Variants in RPE observed in about 807,000 individuals in gnomAD.
The protein encoded by RPE is ribulose-phosphate 3-epimerase.
In RPE, 16 loss-of-function variants were observed where a neutral mutation model predicts 24.6. The ratio of observed to expected loss-of-function variants is 0.65; its 90% CI spans 0.44 to 0.99. The LOEUF (loss-of-function observed/expected upper bound fraction) is 0.99. Ranked by LOEUF, RPE falls within the 50% of genes least tolerant of loss-of-function variation. RPE has a pLI of 0.00. For missense variants in RPE, 240 were observed against 294.5 expected, an observed-to-expected ratio of 0.81 and a Z score of 1.35; for synonymous variants, 93 against 98.4, an observed-to-expected ratio of 0.94 and a Z score of 0.33.
At position 210,021,955 on chromosome 2, in the gene RPE, A is replaced by T. The variant is rs966165651; in HGVS notation, c.*2164A>T. 1.3e-5 allele frequency: 2 copies of T among 151,594 alleles called. No homozygotes were observed. Among genetic ancestry groups the T allele is most frequent in the Non-Finnish European group, 2.9e-5 (2 of 67,852 alleles). The allele number at this position is 151,594 out of a possible 1,614,324, so 9.4% of individuals were successfully genotyped here. A position where few individuals can be genotyped will look rare whatever the true frequency, so the allele number is the denominator to read the frequency against. On this transcript the variant is annotated 3_prime_UTR_variant, in exon 6 of 6. Coordinates refer to ENST00000359429, the MANE Select transcript of RPE (RefSeq NM_199229.3). Reference sequence around the variant, plus strand: ...AATGACCAAATTAGCTAGAAATAGAAATCAGCCAGAATTAACTAATTTCTT... The same window carrying T: ...AATGACCAAATTAGCTAGAAATAGATATCAGCCAGAATTAACTAATTTCTT...
At chr2:210,014,155 G>A (rs2093737773) in intron 2 of RPE, among the ~76,000 whole-genome samples, 1 of 151,894 alleles carries the variant, frequency 6.6e-6, no homozygotes, top group African/African-American at 2.4e-5. Flanking sequence ...GCAGTGGAGC[G>A]ATCTCGGCTG....
At position 210,002,740 on chromosome 2, in the gene RPE, C is replaced by G. The variant is rs2093577070; in HGVS notation, c.79C>G (p.Leu27Val). Residue 27 changes from leucine to valine, a missense_variant, in exon 1 of 6, where the codon CTA (leucine) becomes GTA (valine). Coordinates refer to ENST00000359429, the MANE Select transcript of RPE (RefSeq NM_199229.3). ...ANLGAECLRM[L>V]DSGADYLHLD... ...TTTAGGGGCCGAGTGCCTCCGGATG[C>G]TAGACTCTGGGGCCGATTATCTGCA... 6.8e-6 allele frequency: 11 copies of G among 1,614,206 alleles called. No homozygotes were observed. Among genetic ancestry groups the G allele is most frequent in the Non-Finnish European group, 9.3e-6 (11 of 1,180,026 alleles).
rs570303990 is a variant in RPE at position 210,007,641 on chromosome 2, T to A, written c.123-2016T>A. Among the ~76,000 whole-genome samples the A allele has an allele frequency of 1.5e-4, 23 of 152,372 alleles. No individual in the cohort carries two copies. In the South Asian group the frequency reaches 4.8e-3, roughly 32 times the overall value. On this transcript the variant is annotated intron_variant, in intron 1 of 5. Coordinates refer to ENST00000359429, the MANE Select transcript of RPE (RefSeq NM_199229.3). The stretch of plus-strand genomic sequence containing the variant: ...CTGCTTTTGCTTCATTTTCAGCCTT[T>A]GTTTCTTTTCCCATCTTTATAAATC...
chr2:210,016,565 A>G lies in RPE; in HGVS notation c.401A>G (p.Gln134Arg). ...SVEYLAPWAN[Q>R]IDMALVMTVE... ...GAGTATTTGGCACCATGGGCTAATC[A>G]GATAGATATGGCCTTGGTTATGACA... The change falls in exon 4 of 6, where the codon CAG (glutamine) becomes CGG (arginine). Residue 134 changes from glutamine (Q) to arginine (R), a missense_variant. Transcript: ENST00000359429. 1 of 1,614,260 alleles carries G rather than the reference A, an allele frequency of 6.2e-7. No individual in the cohort carries two copies. The highest frequency in any genetic ancestry group is 8.5e-7 in the Non-Finnish European group (1 of 1,180,052).
chr2:210,017,463 A>G lies in RPE; in HGVS notation c.478-10A>G, dbSNP rs751935847. On this transcript the variant is annotated splice_polypyrimidine_tract_variant and intron_variant, in intron 4 of 5. Transcript: ENST00000359429. Reference sequence around the variant, plus strand: ...TTAGGAGTTACTTATTTCCTCATGTATATATCTAGGTTCACTGGTTGAGGA... The same window carrying G: ...TTAGGAGTTACTTATTTCCTCATGTGTATATCTAGGTTCACTGGTTGAGGA... The G allele has an allele frequency of 1.3e-6, 2 of 1,579,274 alleles. No homozygotes were observed. Among genetic ancestry groups the G allele is most frequent in the South Asian group, 1.1e-5 (1 of 90,124 alleles).
At chr2:210,008,805 C>T (rs1461910026) in intron 1 of RPE, among the ~76,000 whole-genome samples, 1 of 152,126 alleles carries the variant, frequency 6.6e-6, no homozygotes, top group East Asian at 1.9e-4. Context: ...AAACGATTCT[C>T]CTGCCTCAGC....
At chr2:210,003,359 C>T (rs1318732509) in intron 1 of RPE, 12 of 801,670 alleles carry the variant, frequency 1.5e-5, no homozygotes, top group South Asian at 4.4e-5. Flanking sequence ...TTTACAGTGC[C>T]TGGCGTATAT....
chr2:210,012,503 G>A (rs933940858), intron 2 of RPE, among the ~76,000 whole-genome samples: 1 of 152,216 alleles, frequency 6.6e-6, no homozygotes, highest in Non-Finnish European at 1.5e-5. Flanking sequence ...AAAGTAGGAA[G>A]TGCATATAAA....
chr2:210,016,392 G>T, intron 3 of RPE, 115 bp from the exon 4 acceptor site: 5 of 1,570,556 alleles, frequency 3.2e-6, no homozygotes, highest in Non-Finnish European at 4.3e-6. Context: ...ACATTTAATA[G>T]TCTTGTTAAC....
At chr2:210,013,381 C>A (rs756232680) in intron 2 of RPE, among the ~76,000 whole-genome samples, 3 of 149,928 alleles carry the variant, frequency 2.0e-5, no homozygotes, top group African/African-American at 4.9e-5. Context: ...GGCCTTCATA[C>A]CTCACTGAAG....
In RPE at chr2:210,019,852, A is replaced by G; in HGVS notation, c.*61A>G. 1 of 1,553,666 alleles carries G rather than the reference A, an allele frequency of 6.4e-7. No individual in the cohort carries two copies. The highest frequency in any genetic ancestry group is 8.7e-7 in the Non-Finnish European group (1 of 1,146,624). Reference sequence around the variant, plus strand: ...CTCCCTTTTACTGGAAAACAGGAATATTGACTACCAAATCACAATGCAATT... The same window carrying G: ...CTCCCTTTTACTGGAAAACAGGAATGTTGACTACCAAATCACAATGCAATT... On this transcript the variant is annotated 3_prime_UTR_variant, in exon 6 of 6. Coordinates refer to ENST00000359429, the MANE Select transcript of RPE (RefSeq NM_199229.3).
At position 210,015,958 on chromosome 2, in the gene RPE, G is replaced by A. The variant is rs772005146; in HGVS notation, c.203-15G>A. The stretch of plus-strand genomic sequence containing the variant: ...GTATTTTTCAGTAATATTTTGAAGT[G>A]TCTTTTCTTTCTAGACATGCACATG... On this transcript the variant is annotated splice_polypyrimidine_tract_variant and intron_variant, in intron 2 of 5. Coordinates refer to ENST00000359429, the MANE Select transcript of RPE (RefSeq NM_199229.3). 1 of 1,611,788 alleles carries A rather than the reference G, an allele frequency of 6.2e-7. No homozygotes were observed. The highest frequency in any genetic ancestry group is 8.5e-7 in the Non-Finnish European group (1 of 1,179,296).
chr2:210,019,306 G>T (rs2093824446), intron 5 of RPE, among the ~76,000 whole-genome samples: 1 of 152,048 alleles, frequency 6.6e-6, no homozygotes, highest in Admixed American at 6.6e-5. Context: ...GAATAAAAGT[G>T]TTTTTTTAGT....
At chr2:210,004,145 G>T (rs2093599552) in intron 1 of RPE, among the ~76,000 whole-genome samples, 2 of 152,178 alleles carry the variant, frequency 1.3e-5, no homozygotes, top group African/African-American at 2.4e-5. Flanking sequence ...TTGTGCCTGA[G>T]AAAATACCTA....
At chr2:210,015,824 C>A in intron 2 of RPE, 149 bp from the exon 3 acceptor site, 1 of 716,226 alleles carries the variant, frequency 1.4e-6, no homozygotes, top group Non-Finnish European at 2.2e-6. Flanking sequence ...GAGGAAACTA[C>A]CTATACTGAA....
chr2:210,013,566 C>T (rs1049456514), intron 2 of RPE, among the ~76,000 whole-genome samples: 1 of 152,094 alleles, frequency 6.6e-6, no homozygotes, highest in Admixed American at 6.5e-5. Context: ...CCCTCCTCAG[C>T]CTCCTAAGAT....
chr2:210,008,594 CG>C (rs1362747424), intron 1 of RPE, among the ~76,000 whole-genome samples: 1 of 16,960 alleles, frequency 5.9e-5, no homozygotes, highest in Non-Finnish European at 5.2e-3. Flanking sequence ...TGCCCGGCCC[CG>C]GTTTTGTTAA....
chr2:210,005,268 T>C (rs2093615031), intron 1 of RPE, among the ~76,000 whole-genome samples: 1 of 152,110 alleles, frequency 6.6e-6, no homozygotes, highest in Admixed American at 6.5e-5. Flanking sequence ...CTGGCCCCTT[T>C]TAAAAATCTC....
intron 1 of RPE, among the ~76,000 whole-genome samples, chr2:210,008,836 C>A (rs1183142612): frequency 6.6e-6 from 1 of 151,704 alleles, no homozygotes; most frequent in Non-Finnish European, 1.5e-5. Flanking sequence ...GCTGGGATTA[C>A]AGGTGCATGC....
Sources: gnomAD v4.1 joint callset for allele counts (sites outside exome capture counted in the v4.1 genomes callset) on GRCh38, gnomAD v4.1.1 for gene constraint, MANE v1.5 for transcripts, NCBI Gene and HGNC (gene_info 2026-07-23, HGNC 2026-07-21) for gene names.